Variants in LSP1 observed in about 807,000 individuals in gnomAD.
The protein encoded by LSP1 is lymphocyte specific protein 1.
In LSP1, 32 loss-of-function variants were observed where a neutral mutation model predicts 49.3. The observed-to-expected ratio is 0.65, with a 90% CI of 0.49 to 0.87. The LOEUF is 0.87. Among genes scored for constraint, LSP1 ranks in the 40% least tolerant of loss-of-function variants. The pLI is 0.00. For missense variants in LSP1, 428 were observed against 442.6 expected (o/e 0.97, Z 0.30); for synonymous variants, 179 against 178.8 (o/e 1.00, Z -0.01).
intron 7 of LSP1, 111 bp from the exon 8 acceptor site, chr11:1,886,621 C>A: frequency 1.6e-6 from 2 of 1,278,132 alleles, no homozygotes; most frequent in Non-Finnish European, 2.1e-6. Flanking sequence ...ATTGGGAAAG[C>A]GCTCCCAGGG....
chr11:1,856,070 T>G (rs1300252216), intron 1 of LSP1, among the ~76,000 whole-genome samples: 1 of 152,046 alleles, frequency 6.6e-6, no homozygotes, highest in Non-Finnish European at 1.5e-5. Context: ...TGCCCGGGGG[T>G]GCCCACCCGC....
At position 1,876,589 on chromosome 11, in the gene LSP1, G is replaced by A. The variant is rs916426565; in HGVS notation, c.54-3498G>A. The A allele has an allele frequency of 2.1e-4, 205 of 985,556 alleles. 1 individual carries two copies. The highest frequency in any genetic ancestry group is 1.6e-3 in the Middle Eastern group (3 of 1,916). 61.1% of individuals were successfully genotyped at this position (985,556 alleles called of 1,614,324 possible). Reference sequence around the variant, plus strand: ...GGAGCTGCCTGCAGGGGGCAGAGTCGGGACGGGGACCGAGCCGGACACCCA... The same window carrying A: ...GGAGCTGCCTGCAGGGGGCAGAGTCAGGACGGGGACCGAGCCGGACACCCA... On this transcript the variant is annotated intron_variant, in intron 1 of 10. Transcript: ENST00000311604.
rs559667925 is a variant in LSP1 at position 1,870,863 on chromosome 11, G to A, written c.54-9224G>A. 1.1e-4 allele frequency: 107 copies of A among 986,580 alleles called. 1 individual carries two copies. In the African/African-American group the frequency reaches 1.7e-3, roughly 16 times the overall value. The allele number at this position is 986,580 out of a possible 1,614,324, so 61.1% of individuals were successfully genotyped here. A position where few individuals can be genotyped will look rare whatever the true frequency, so the allele number is the denominator to read the frequency against. ...CCAGAACGTGCCAAAAGCCTGCCTCGTGAGCACGGCAAGAGCTCTGCCAGG... is the reference window on the plus strand; with the variant it reads ...CCAGAACGTGCCAAAAGCCTGCCTCATGAGCACGGCAAGAGCTCTGCCAGG... On this transcript the variant is annotated intron_variant, in intron 1 of 10. Transcript: ENST00000311604.
At position 1,874,777 on chromosome 11, in the gene LSP1, C is replaced by T. The variant is rs541267410; in HGVS notation, c.54-5310C>T. 2.5e-4 allele frequency among the ~76,000 whole-genome samples: 38 copies of T among 152,226 alleles called. 1 individual carries two copies. The highest frequency in any genetic ancestry group is 9.2e-4 in the African/African-American group (38 of 41,526). ...AGTGGAGGCTCCTTGGCTTTGGGGGCTCTGAGTAGAAGCACCTAGGGGGTC... is the reference window on the plus strand; with the variant it reads ...AGTGGAGGCTCCTTGGCTTTGGGGGTTCTGAGTAGAAGCACCTAGGGGGTC... On this transcript the variant is annotated intron_variant, in intron 1 of 10. Transcript: ENST00000311604.
intron 1 of LSP1, among the ~76,000 whole-genome samples, chr11:1,874,220 T>C (rs185642909): frequency 0.04 from 776 of 19,544 alleles, 66 homozygotes; most frequent in Middle Eastern, 0.056. Flanking sequence ...GGGGCAGTGT[T>C]GGGGACAGTG....
chr11:1,877,348 C>T (rs1848354895), intron 1 of LSP1, among the ~76,000 whole-genome samples: 1 of 152,158 alleles, frequency 6.6e-6, no homozygotes. Flanking sequence ...CCTCAGGCTG[C>T]TGGGTCAGAG....
chr11:1,867,466 T>TGCAG (rs929970581), intron 1 of LSP1, among the ~76,000 whole-genome samples: 1 of 151,786 alleles, frequency 6.6e-6, no homozygotes, highest in African/African-American at 2.4e-5. Flanking sequence ...GTCCCAGCCC[T>TGCAG]GCAGGCCAGG....
chr11:1,880,177 C>G lies in LSP1; in HGVS notation c.144C>G (p.Asp48Glu). The G allele has an allele frequency of 6.2e-7, 1 of 1,603,680 alleles. No individual in the cohort carries two copies. Among genetic ancestry groups the G allele is most frequent in the Non-Finnish European group, 8.5e-7 (1 of 1,174,508 alleles). Residue 48 changes from aspartate (D) to glutamate (E), a missense_variant, in exon 2 of 11, where the codon GAC (aspartate) becomes GAG (glutamate). Physicochemically the swap from Asp to Glu is conservative, Grantham distance 45 (BLOSUM62 2). Transcript: ENST00000311604. ...GAGACAGGCAGCTTCAGGCCCAGGA[C>G]GAGGAGGGAGGCGGCCATGTCCCCG... ...HERDRQLQAQ[D>E]EEGGGHVPER...
chr11:1,876,556 C>T (rs1848317998), intron 1 of LSP1: 1 of 985,596 alleles, frequency 1.0e-6, no homozygotes, highest in African/African-American at 1.7e-5. Context: ...CCGGGTGGGG[C>T]AGCCACAGGA....
intron 1 of LSP1, among the ~76,000 whole-genome samples, chr11:1,857,376 C>T (rs892539573): frequency 3.9e-5 from 6 of 152,200 alleles, no homozygotes; most frequent in African/African-American, 1.2e-4. Flanking sequence ...TGGGCCTCTG[C>T]TCCGCTACCC....
In LSP1 at chr11:1,880,138, A is replaced by G. The variant is rs924571497; in HGVS notation, c.105A>G (p.Gln35=). 24 of 1,608,708 alleles carry G rather than the reference A, an allele frequency of 1.5e-5. No individual in the cohort carries two copies. In the African/African-American group the frequency reaches 2.8e-4, roughly 19 times the overall value. The change falls in exon 2 of 11, where the codon CAA becomes CAG. Residue 35 remains glutamine, a synonymous_variant. Coordinates refer to ENST00000311604, the MANE Select transcript of LSP1 (RefSeq NM_002339.3). The part of the protein sequence containing the change: ...VEDEEEAVHE[Q]CQHERDRQLQ... ...ACGAGGAGGAGGCCGTCCACGAGCA[A>G]TGCCAGCATGAGAGAGACAGGCAGC...
At chr11:1,867,353 ACACACACACATG>A (rs1847827887) in intron 1 of LSP1, among the ~76,000 whole-genome samples, 1 of 51,902 alleles carries the variant, frequency 1.9e-5, no homozygotes, top group Non-Finnish European at 3.9e-5. Flanking sequence ...CACCACACCC[ACACACACACATG>A]CACACACACA....
chr11:1,866,447 C>T, intron 1 of LSP1: 2 of 1,454,784 alleles, frequency 1.4e-6, no homozygotes, highest in Non-Finnish European at 1.8e-6. Flanking sequence ...CCAGCTCCCA[C>T]TTGTTGGGTC....
At chr11:1,865,255 C>T (rs577328900) in intron 1 of LSP1, 2 of 985,392 alleles carry the variant, frequency 2.0e-6, no homozygotes, top group African/African-American at 1.7e-5. Context: ...GCCTGGATAC[C>T]TCTTGAGGTA....
chr11:1,866,429 C>T, intron 1 of LSP1: 1 of 1,443,462 alleles, frequency 6.9e-7, no homozygotes, highest in South Asian at 1.5e-5. Flanking sequence ...CCGGCTCACC[C>T]CTCCTCCCCA....
At chr11:1,855,357 A>G (rs989843867) in intron 1 of LSP1, among the ~76,000 whole-genome samples, 6 of 152,146 alleles carry the variant, frequency 3.9e-5, no homozygotes, top group Non-Finnish European at 8.8e-5. Flanking sequence ...TGGACAAGAC[A>G]GCCCCCCGTG....
chr11:1,886,837 C>T lies in LSP1; in HGVS notation c.823C>T (p.Gln275Ter), dbSNP rs1286881238. ...GTGGGAGACGGGTGAGGTACAGGCTCAGTCTGCGGCCAAGACTCCGTCCTG... is the reference window on the plus strand; with the variant it reads ...GTGGGAGACGGGTGAGGTACAGGCTTAGTCTGCGGCCAAGACTCCGTCCTG... The part of the protein sequence containing the change: ...SRWETGEVQA[Q>*]SAAKTPSCKD... The change falls in exon 8 of 11, where the codon CAG becomes TAG. Residue 275 changes from glutamine (Q) to a stop codon, truncating the protein, a stop_gained. Coordinates refer to ENST00000311604, the MANE Select transcript of LSP1 (RefSeq NM_002339.3). LOFTEE classifies it high-confidence loss of function. 1 of 1,611,754 alleles carries T rather than the reference C, an allele frequency of 6.2e-7. No homozygotes were observed. The highest frequency in any genetic ancestry group is 1.3e-5 in the African/African-American group (1 of 74,994).
chr11:1,883,552 C>A lies in LSP1; in HGVS notation c.490C>A (p.Gln164Lys), dbSNP rs1390296970. The change falls in exon 4 of 11, where the codon CAG becomes AAG. Residue 164 changes from glutamine (Q) to lysine (K), a missense_variant. Coordinates refer to ENST00000311604, the MANE Select transcript of LSP1 (RefSeq NM_002339.3). ...NLGAAGAEEEQEEHQKCQQPR... is the reference protein window; with the variant it reads ...NLGAAGAEEEKEEHQKCQQPR... Reference sequence around the variant, plus strand: ...GGGGGCCGCAGGGGCTGAGGAGGAACAGGAGGAGGTGATGGCTCCACCTCA... The same window carrying A: ...GGGGGCCGCAGGGGCTGAGGAGGAAAAGGAGGAGGTGATGGCTCCACCTCA... 36 of 1,610,878 alleles carry A rather than the reference C, an allele frequency of 2.2e-5. No homozygotes were observed. Among genetic ancestry groups the A allele is most frequent in the Non-Finnish European group, 2.6e-5 (31 of 1,178,932 alleles).
At chr11:1,883,689 C>A (rs1331268287) in intron 4 of LSP1, 129 bp downstream of exon 4, 3 of 1,176,988 alleles carry the variant, frequency 2.5e-6, no homozygotes, top group Non-Finnish European at 3.5e-6. Flanking sequence ...CACCCCTAGA[C>A]CTTGCAGCCC....
Sources: gnomAD v4.1 joint callset for allele counts (sites outside exome capture counted in the v4.1 genomes callset) on GRCh38, gnomAD v4.1.1 for gene constraint, MANE v1.5 for transcripts, NCBI Gene and HGNC (gene_info 2026-07-23, HGNC 2026-07-21) for gene names.